The following SAP130 variants were observed in gnomAD, a reference collection of about 807,000 sequenced individuals.
The protein encoded by SAP130 is histone deacetylase complex subunit SAP130.
SAP130 carries 16 observed loss-of-function variants against 103.2 expected under a neutral mutation model. That is an observed-to-expected ratio of 0.16 (90% CI 0.10 to 0.24). The LOEUF is 0.24. Ranked by LOEUF, SAP130 falls within the 10% of genes least tolerant of loss-of-function variation. The pLI is 1.00. For synonymous variants in SAP130, 477 were observed against 497.0 expected, an observed-to-expected ratio of 0.96 and a Z score of 0.53; for missense variants, 990 against 1,359.7, an observed-to-expected ratio of 0.73 and a Z score of 4.28.
intron 13 of SAP130, among the ~76,000 whole-genome samples, chr2:127,987,952 G>A (rs1026630714): frequency 2.0e-5 from 3 of 152,178 alleles, no homozygotes. Flanking sequence ...AATTTCATAG[G>A]AGTCAACTTA....
In SAP130 at chr2:127,942,525, G is replaced by A; in HGVS notation, c.2914C>T (p.His972Tyr). Residue 972 changes from histidine to tyrosine, a missense_variant, in exon 20 of 21, where the codon CAT becomes TAT. His to Tyr is a moderately conservative substitution (Grantham distance 83). Coordinates refer to ENST00000643581, the MANE Select transcript of SAP130 (RefSeq NM_001330301.2). This position sits in a 1 kb window ranked among gnomAD's most constrained non-coding sequence, Gnocchi z 4.8. ...AQLLQLTNLEHDVYERLTNLQ... is the reference protein window; with the variant it reads ...AQLLQLTNLEYDVYERLTNLQ... ...TTAGTAAGTCTTTCATAGACATCAT[G>A]TTCTAGATTCGTCTGCAACACACAA... 1 of 1,605,752 alleles carries A rather than the reference G, an allele frequency of 6.2e-7. No homozygotes were observed. The highest frequency in any genetic ancestry group is 8.5e-7 in the Non-Finnish European group (1 of 1,172,404).
intron 2 of SAP130, among the ~76,000 whole-genome samples, chr2:128,024,884 A>C (rs954075699): frequency 1.3e-5 from 2 of 151,616 alleles, no homozygotes; most frequent in Non-Finnish European, 2.9e-5. Context: ...GTCTCAAAAA[A>C]ATTAAAAAAA....
At chr2:127,973,664 C>T (rs887712213) in intron 15 of SAP130, among the ~76,000 whole-genome samples, 1 of 152,214 alleles carries the variant, frequency 6.6e-6, no homozygotes, top group Non-Finnish European at 1.5e-5. Flanking sequence ...TAGCTTTCCT[C>T]ATTTTAGAAT....
At chr2:127,988,189 A>G (rs1372215004) in intron 13 of SAP130, among the ~76,000 whole-genome samples, 1 of 152,204 alleles carries the variant, frequency 6.6e-6, no homozygotes, top group Non-Finnish European at 1.5e-5. Context: ...TTGGGAGGAC[A>G]AGGCTGAAGG....
At chr2:127,952,126 T>C (rs1679534500) in intron 16 of SAP130, among the ~76,000 whole-genome samples, 1 of 152,174 alleles carries the variant, frequency 6.6e-6, no homozygotes, top group Non-Finnish European at 1.5e-5. Flanking sequence ...ATCATTCCTA[T>C]TAACATACAA....
intron 12 of SAP130, among the ~76,000 whole-genome samples, chr2:127,992,122 C>G (rs571887155): frequency 1.3e-5 from 2 of 152,144 alleles, no homozygotes; most frequent in South Asian, 4.1e-4. Context: ...GAGGCACGCA[C>G]CACCATGCCC....
At chr2:127,968,878 C>T (rs189058671) in intron 15 of SAP130, among the ~76,000 whole-genome samples, 12 of 152,216 alleles carry the variant, frequency 7.9e-5, no homozygotes, top group Admixed American at 2.0e-4. Context: ...CTAGACCAGG[C>T]GTTGACAAAC....
At chr2:128,018,503 A>AAAAAG in intron 2 of SAP130, among the ~76,000 whole-genome samples, 1 of 150,554 alleles carries the variant, frequency 6.6e-6, no homozygotes, top group African/African-American at 2.4e-5. Flanking sequence ...AAAAAAAAAA[A>AAAAAG]AAAGGATGGC....
At chr2:127,971,193 T>A (rs1681063204) in intron 15 of SAP130, among the ~76,000 whole-genome samples, 1 of 151,926 alleles carries the variant, frequency 6.6e-6, no homozygotes, top group South Asian at 2.1e-4. Flanking sequence ...GCTCCCCCCA[T>A]CTGTTGACCT....
intron 18 of SAP130, among the ~76,000 whole-genome samples, chr2:127,946,487 C>T (rs544781965): frequency 3.9e-5 from 6 of 152,202 alleles, no homozygotes; most frequent in South Asian, 2.1e-4. Flanking sequence ...TTGATTGATA[C>T]AATCATGTGA....
At position 128,012,322 on chromosome 2, in the gene SAP130, T is replaced by C. The variant is rs1046964081; in HGVS notation, c.744+708A>G. 3.9e-4 allele frequency among the ~76,000 whole-genome samples: 59 copies of C among 152,036 alleles called. 1 individual carries two copies. On this transcript the variant is annotated intron_variant, in intron 6 of 20. Transcript: ENST00000643581. ...CTGTCTCTACTAAAAGTATAAAAAT[T>C]AGCCGGGCATGGTGGTGCACACCTG...
At chr2:127,993,075 A>T in intron 12 of SAP130, 112 bp downstream of exon 12, 1 of 1,310,336 alleles carries the variant, frequency 7.6e-7, no homozygotes, top group South Asian at 1.3e-5. Flanking sequence ...TGAATCTGAA[A>T]ACAGAAGCTG....
rs191111641 is a variant in SAP130 at position 128,000,558 on chromosome 2, G to C, written c.870-104C>G. 8.4e-6 allele frequency: 11 copies of C among 1,311,344 alleles called. No individual in the cohort carries two copies. The African/African-American group carries it at 1.3e-4, about 16-fold the overall frequency. 81.2% of individuals were successfully genotyped at this position (1,311,344 alleles called of 1,614,324 possible). The stretch of plus-strand genomic sequence containing the variant: ...CTTTTTCATAGGTCTATGAAGTTCG[G>C]AGTTAAACCAATACTTGGTCTTTAA... On this transcript the variant is annotated intron_variant, in intron 7 of 20. Coordinates refer to ENST00000643581, the MANE Select transcript of SAP130 (RefSeq NM_001330301.2).
chr2:127,954,949 C>G, intron 16 of SAP130, 37 bp downstream of exon 16: 1 of 1,446,060 alleles, frequency 6.9e-7, no homozygotes, highest in Non-Finnish European at 9.5e-7. Context: ...GGGGAAGAGG[C>G]AATTGCCAAT....
chr2:127,947,759 T>TGTGTGTGTGTGA (rs1253588462), intron 18 of SAP130, among the ~76,000 whole-genome samples: 3 of 91,258 alleles, frequency 3.3e-5, no homozygotes, highest in Non-Finnish European at 5.1e-5. Flanking sequence ...TTGTATTGTG[T>TGTGTGTGTGTGA]GTGTCTGTGT....
intron 7 of SAP130, among the ~76,000 whole-genome samples, chr2:128,003,596 AACAAAT>A (rs1179016066): frequency 6.6e-6 from 1 of 151,706 alleles, no homozygotes; most frequent in Non-Finnish European, 1.5e-5. Flanking sequence ...CAAAAACAAA[AACAAAT>A]GACAACAAAA....
chr2:128,000,505 T>C lies in SAP130; in HGVS notation c.870-51A>G, dbSNP rs746719145. On this transcript the variant is annotated intron_variant, in intron 7 of 20. Coordinates refer to ENST00000643581, the MANE Select transcript of SAP130 (RefSeq NM_001330301.2). ...CAGATGGGCAAGGTCATTTACAATCTTCTCCTAGGTTAGTCATGCAAGTTA... is the reference window on the plus strand; with the variant it reads ...CAGATGGGCAAGGTCATTTACAATCCTCTCCTAGGTTAGTCATGCAAGTTA... 1.9e-6 allele frequency: 3 copies of C among 1,602,122 alleles called. No homozygotes were observed. In the South Asian group the frequency reaches 3.3e-5, roughly 18 times the overall value.
At chr2:128,024,390 C>A (rs764294667) in intron 2 of SAP130, among the ~76,000 whole-genome samples, 14 of 152,128 alleles carry the variant, frequency 9.2e-5, no homozygotes, top group Middle Eastern at 3.4e-3. Context: ...TAGACAAGGG[C>A]CATAGCTCAT....
intron 18 of SAP130, among the ~76,000 whole-genome samples, chr2:127,948,939 G>C (rs1023194658): frequency 2.2e-4 from 34 of 152,192 alleles, no homozygotes; most frequent in African/African-American, 8.0e-4. Flanking sequence ...GTGGCATGAA[G>C]AGATGTTTAG....
Sources: gnomAD v4.1 joint callset for allele counts (sites outside exome capture counted in the v4.1 genomes callset) on GRCh38, gnomAD v4.1.1 for gene constraint, Gnocchi (gnomAD v3.1) non-coding constraint, MANE v1.5 for transcripts, NCBI Gene and HGNC (gene_info 2026-07-23, HGNC 2026-07-21) for gene names.